DST: variants seen among roughly 807,000 people sequenced by gnomAD.
DST encodes the protein bullous pemphigoid antigen.
Under a neutral mutation model 875.2 loss-of-function variants are expected in DST, and 253 were observed. The ratio of observed to expected loss-of-function variants is 0.29; its 90% CI spans 0.26 to 0.32. DST has a LOEUF of 0.32. Among genes scored for constraint, DST ranks in the 10% least tolerant of loss-of-function variants. DST has a pLI of 1.00. For missense variants in DST, 8,287 were observed against 9,111.6 expected (o/e 0.91, Z 3.68); for synonymous variants, 3,124 against 3,197.1 (o/e 0.98, Z 0.77).
chr6:56,676,633 T>A (rs1053382122), intron 9 of DST, among the ~76,000 whole-genome samples: 3 of 149,836 alleles, frequency 2.0e-5, no homozygotes, highest in Admixed American at 6.7e-5. Flanking sequence ...TAGGTGTCCA[T>A]CAACTGAAGA....
rs187935805 is a variant in DST at position 56,745,120 on chromosome 6, C to G, written c.626-9831G>C. Reference sequence around the variant, plus strand: ...CTTTTGTTAAAAGGAAGGTCCTTACCAGGAAAGTTATCAGATAAAATTATT... The same window carrying G: ...CTTTTGTTAAAAGGAAGGTCCTTACGAGGAAAGTTATCAGATAAAATTATT... On this transcript the variant is annotated intron_variant, in intron 4 of 103. Transcript: ENST00000680361. Among the ~76,000 whole-genome samples, 283 of 152,240 alleles carry G rather than the reference C, an allele frequency of 1.9e-3. 3 individuals carry two copies. Among genetic ancestry groups the G allele is most frequent in the Admixed American group, 0.017 (262 of 15,278 alleles).
intron 69 of DST, among the ~76,000 whole-genome samples, chr6:56,521,530 A>C (rs1304812628): frequency 6.8e-6 from 1 of 147,218 alleles, no homozygotes; most frequent in Non-Finnish European, 1.5e-5. Context: ...ATACCATCTA[A>C]GTTGCCAAAA....
At chr6:56,867,720 G>A (rs1017208109) in intron 3 of DST, among the ~76,000 whole-genome samples, 1 of 152,052 alleles carries the variant, frequency 6.6e-6, no homozygotes, top group African/African-American at 2.4e-5. Context: ...CCAGCTATTC[G>A]GGAGGCTGAG....
At chr6:56,485,244 T>A in intron 88 of DST, 68 bp downstream of exon 88, 1 of 1,549,680 alleles carries the variant, frequency 6.5e-7, no homozygotes, top group Non-Finnish European at 8.9e-7. Flanking sequence ...CTAATTTAAA[T>A]GGTTTACATT....
In DST at chr6:56,954,453, C is replaced by T; in HGVS notation, c.135G>A (p.Gly45=). The part of the protein sequence containing the change: ...FCCWHRKLQK[G]RHPMKSVFSG... ...AGAAGACCGATTTCATCGGATGCCT[C>T]CCTTTCTGGAGCTTGCGGTGCCAGC... Residue 45 remains glycine, a synonymous_variant, in exon 1 of 104, where the codon GGG becomes GGA. Coordinates refer to ENST00000680361, the MANE Select transcript of DST (RefSeq NM_001374736.1). The T allele has an allele frequency of 7.3e-7, 1 of 1,367,556 alleles. No homozygotes were observed. The highest frequency in any genetic ancestry group is 9.8e-7 in the Non-Finnish European group (1 of 1,021,836). The allele number at this position is 1,367,556 out of a possible 1,614,324, so 84.7% of individuals were successfully genotyped here. A position where few individuals can be genotyped will look rare whatever the true frequency, so the allele number is the denominator to read the frequency against.
chr6:56,700,551 A>G (rs1043216861), intron 8 of DST, among the ~76,000 whole-genome samples: 3 of 152,228 alleles, frequency 2.0e-5, no homozygotes, highest in Non-Finnish European at 4.4e-5. Flanking sequence ...CCATAAATAT[A>G]TAAGTCACTG....
chr6:56,685,697 C>T (rs1459990757), intron 9 of DST, among the ~76,000 whole-genome samples: 1 of 152,010 alleles, frequency 6.6e-6, no homozygotes, highest in African/African-American at 2.4e-5. Context: ...ACTTGAAGAG[C>T]AGAGATCACG....
At chr6:56,867,080 G>T (rs1410352829) in intron 3 of DST, among the ~76,000 whole-genome samples, 1 of 152,156 alleles carries the variant, frequency 6.6e-6, no homozygotes, top group African/African-American at 2.4e-5. Context: ...TCAGAAATGG[G>T]ATTGCTCTCA....
Position 56,628,117 on chromosome 6 carries a change from C to G in DST, c.4520G>C (p.Arg1507Thr). ...EGIGKSLKYY[R>T]DTYHPLDDWI... ...ATCATCTAAAGGATGGTAAGTGTCTCTGTAGTACTTCAGTGATTTGCCAAT... is the reference window on the plus strand; with the variant it reads ...ATCATCTAAAGGATGGTAAGTGTCTGTGTAGTACTTCAGTGATTTGCCAAT... Residue 1507 changes from arginine (R) to threonine (T), a missense_variant, in exon 33 of 104, where the codon AGA (arginine) becomes ACA (threonine). Arg to Thr is a moderately conservative substitution (Grantham distance 71). Transcript: ENST00000680361. The G allele has an allele frequency of 6.2e-7, 1 of 1,613,790 alleles. No individual in the cohort carries two copies. The highest frequency in any genetic ancestry group is 1.1e-5 in the South Asian group (1 of 91,076).
At chr6:56,487,486 C>T (rs2095606970) in intron 86 of DST, among the ~76,000 whole-genome samples, 1 of 152,082 alleles carries the variant, frequency 6.6e-6, no homozygotes, top group Admixed American at 6.6e-5. Flanking sequence ...CAATAAAGTA[C>T]CTAAGATATT....
At position 56,607,968 on chromosome 6, in the gene DST, C is replaced by T; in HGVS notation, c.6660G>A (p.Leu2220=). The change falls in exon 40 of 104, where the codon TTG becomes TTA. Residue 2220 remains leucine (L), a synonymous_variant. Coordinates refer to ENST00000680361, the MANE Select transcript of DST (RefSeq NM_001374736.1). ...YMDANTGQRL[L]LYDGDLDEAV... is the part of the protein sequence containing the mutation. ...CCTCATCCAAGTCTCCATCGTACAG[C>T]AAAAGCCTTTGCCCTGTGTTTGCAT... The T allele has an allele frequency of 6.2e-7, 1 of 1,613,604 alleles. No individual in the cohort carries two copies. The highest frequency in any genetic ancestry group is 8.5e-7 in the Non-Finnish European group (1 of 1,179,742).
At chr6:56,587,987 G>A (rs893274767) in intron 49 of DST, among the ~76,000 whole-genome samples, 1 of 151,702 alleles carries the variant, frequency 6.6e-6, no homozygotes, top group African/African-American at 2.4e-5. Context: ...TCGAGACTAG[G>A]AAGCAACTGC....
intron 50 of DST, among the ~76,000 whole-genome samples, chr6:56,576,283 T>C (rs1442802452): frequency 6.6e-6 from 1 of 152,180 alleles, no homozygotes; most frequent in African/African-American, 2.4e-5. Flanking sequence ...ATATTCTTTA[T>C]AGTAAGTGGG....
At chr6:56,888,000 G>A (rs549742214) in intron 3 of DST, among the ~76,000 whole-genome samples, 3 of 150,974 alleles carry the variant, frequency 2.0e-5, no homozygotes, top group African/African-American at 4.9e-5. Context: ...TACCAGGCTG[G>A]AGTGCAGCAG....
intron 10 of DST, among the ~76,000 whole-genome samples, chr6:56,651,871 T>C (rs2098977687): frequency 6.6e-6 from 1 of 152,228 alleles, no homozygotes; most frequent in Admixed American, 6.5e-5. Flanking sequence ...TTCGTGTACA[T>C]GTATATGTTG....
In DST at chr6:56,618,939, C is replaced by T. The variant is rs201526616; in HGVS notation, c.4930-4455G>A. On this transcript the variant is annotated intron_variant, in intron 36 of 103. Coordinates refer to ENST00000680361, the MANE Select transcript of DST (RefSeq NM_001374736.1). ...GCTTGTTGTAGCTGAACTTTCTGCT[C>T]CCCGCGTCGCTTCTCTTCTTTGGAA... is the stretch of plus-strand genomic sequence containing the variant. 4.9e-4 allele frequency: 784 copies of T among 1,614,090 alleles called. 2 individuals are homozygous for T. Among genetic ancestry groups the T allele is most frequent in the South Asian group, 6.5e-4 (59 of 91,092 alleles).
At chr6:56,906,184 A>G (rs2127705186) in intron 2 of DST, among the ~76,000 whole-genome samples, 1 of 152,312 alleles carries the variant, frequency 6.6e-6, no homozygotes, top group Admixed American at 6.5e-5. Context: ...ACACCAGTTT[A>G]CATTCCCACC....
rs182899520 is a variant in DST at position 56,563,557 on chromosome 6, T to C, written c.14006-1357A>G. On this transcript the variant is annotated intron_variant, in intron 55 of 103. Coordinates refer to ENST00000680361, the MANE Select transcript of DST (RefSeq NM_001374736.1). Reference sequence around the variant, plus strand: ...TTGCCTGTTCACTCTGATGATAGTTTCTTATGCTGTGCAGAAGCTCTTTAA... The same window carrying C: ...TTGCCTGTTCACTCTGATGATAGTTCCTTATGCTGTGCAGAAGCTCTTTAA... Among the ~76,000 whole-genome samples the C allele has an allele frequency of 9.8e-5, 15 of 152,354 alleles. No individual in the cohort carries two copies. The East Asian group carries it at 2.7e-3, about 27-fold the overall frequency.
At chr6:56,625,010 C>G in intron 35 of DST, 147 bp downstream of exon 35, 2 of 679,144 alleles carry the variant, frequency 2.9e-6, no homozygotes, top group South Asian at 1.7e-5. Context: ...TTGTGATATA[C>G]TGCAATGTCA....
Sources: allele counts gnomAD v4.1 joint callset (sites outside exome capture counted in the v4.1 genomes callset), GRCh38; gene constraint gnomAD v4.1.1; transcripts MANE v1.5; gene names NCBI Gene and HGNC (gene_info 2026-07-23, HGNC 2026-07-21).